RERE: variants seen among roughly 807,000 people sequenced by gnomAD.
RERE encodes arginine-glutamic acid dipeptide repeats protein.
In RERE, 40 loss-of-function variants were observed where a neutral mutation model predicts 146.1. That is an observed-to-expected ratio of 0.27 (90% CI 0.21 to 0.36). The LOEUF (loss-of-function observed/expected upper bound fraction) is 0.36, where lower values mean the gene tolerates loss of function less well. Ranked by LOEUF, RERE falls within the 10% of genes least tolerant of loss-of-function variation. The probability of loss-of-function intolerance (pLI) is 1.00; values close to 1 mark genes in which losing one functional copy is unlikely to be tolerated. For synonymous variants in RERE, 1,003 were observed against 866.0 expected, an observed-to-expected ratio of 1.16 and a Z score of -2.78; for missense variants, 1,933 against 2,138.7, an observed-to-expected ratio of 0.90 and a Z score of 1.90.
chr1:8,357,055 G>C (rs1311039127), intron 20 of RERE, among the ~76,000 whole-genome samples: 1 of 152,092 alleles, frequency 6.6e-6, no homozygotes, highest in Non-Finnish European at 1.5e-5. Flanking sequence ...CCTGCGCCCA[G>C]CTCTCCTGAT....
intron 10 of RERE, among the ~76,000 whole-genome samples, chr1:8,493,763 G>A (rs1388072838): frequency 4.6e-5 from 7 of 152,046 alleles, no homozygotes; most frequent in Non-Finnish European, 1.0e-4. Flanking sequence ...ATGACATTTG[G>A]TTAATCATCA....
chr1:8,711,289 A>G (rs1226805000), intron 1 of RERE, among the ~76,000 whole-genome samples: 1 of 151,980 alleles, frequency 6.6e-6, no homozygotes, highest in African/African-American at 2.4e-5. Flanking sequence ...ACAACTTTCC[A>G]CTAGGCTCCC....
intron 7 of RERE, chr1:8,512,851 G>A (rs1250516429): frequency 2.0e-5 from 3 of 152,290 alleles, no homozygotes; most frequent in Non-Finnish European, 4.4e-5. Flanking sequence ...CCAGATCCTC[G>A]ATCTTTAGGC....
At chr1:8,421,740 A>C (rs977601502) in intron 12 of RERE, among the ~76,000 whole-genome samples, 3 of 152,220 alleles carry the variant, frequency 2.0e-5, no homozygotes, top group African/African-American at 7.2e-5. Flanking sequence ...AAAAACCCAA[A>C]TTATCCGCAT....
chr1:8,721,187 T>C (rs1639857065), intron 1 of RERE, among the ~76,000 whole-genome samples: 1 of 152,230 alleles, frequency 6.6e-6, no homozygotes, highest in South Asian at 2.1e-4. Flanking sequence ...CTGGGAGCAC[T>C]GCAGAGGTCT....
intron 1 of RERE, among the ~76,000 whole-genome samples, chr1:8,805,650 A>C (rs1641675481): frequency 3.2e-5 from 4 of 126,462 alleles, no homozygotes; most frequent in Middle Eastern, 7.5e-3. Context: ...AATCCGTCTC[A>C]AAAAAAAAAA....
chr1:8,392,382 AC>A (rs1478622833), intron 12 of RERE, among the ~76,000 whole-genome samples: 1 of 152,250 alleles, frequency 6.6e-6, no homozygotes, highest in African/African-American at 2.4e-5. Flanking sequence ...TTATATTTTT[AC>A]CTAACCTGGA....
At position 8,355,475 on chromosome 1, in the gene RERE, C is replaced by T. The variant is rs1372040401; in HGVS notation, c.4611G>A (p.Leu1537=). 4 of 1,612,778 alleles carry T rather than the reference C, an allele frequency of 2.5e-6. No individual in the cohort carries two copies. The highest frequency in any genetic ancestry group is 3.4e-6 in the Non-Finnish European group (4 of 1,179,988). ...CACCATGCATGTGGGGGTGTCCATG[C>T]AGCCACTGCTGCTCCATGGCCAGTC... ...LQRLAMEQQW[L]HGHPHMHGGH... Residue 1537 remains leucine, a synonymous_variant, in exon 22 of 23, where the codon CTG becomes CTA. Coordinates refer to ENST00000400908, the MANE Select transcript of RERE (RefSeq NM_001042681.2).
chr1:8,620,628 G>A (rs776989340), intron 3 of RERE, among the ~76,000 whole-genome samples: 4 of 151,976 alleles, frequency 2.6e-5, no homozygotes, highest in Admixed American at 6.6e-5. Flanking sequence ...CTGTCATTCC[G>A]TATTACTAGT....
intron 11 of RERE, among the ~76,000 whole-genome samples, chr1:8,440,103 G>A (rs1293679129): frequency 6.6e-6 from 1 of 152,134 alleles, no homozygotes; most frequent in Non-Finnish European, 1.5e-5. Flanking sequence ...TATCTATGGT[G>A]CATGTACCAA....
At chr1:8,386,289 A>G (rs529140952) in intron 12 of RERE, among the ~76,000 whole-genome samples, 20 of 151,554 alleles carry the variant, frequency 1.3e-4, no homozygotes, top group African/African-American at 4.3e-4. Flanking sequence ...TATATAAATC[A>G]TAAGAATAAA....
chr1:8,501,640 A>G (rs1645159663), intron 8 of RERE, among the ~76,000 whole-genome samples: 1 of 118,646 alleles, frequency 8.4e-6, no homozygotes, highest in African/African-American at 3.3e-5. Context: ...CCGCCCGGCC[A>G]GCCGCCCAGT....
At chr1:8,786,146 CT>C (rs1217597444) in intron 1 of RERE, 1 of 516,022 alleles carries the variant, frequency 1.9e-6, no homozygotes, top group Non-Finnish European at 3.5e-6. Context: ...TTGAGAGCAG[CT>C]ACTGTTTATT....
At chr1:8,428,183 C>A (rs1644043511) in intron 11 of RERE, among the ~76,000 whole-genome samples, 1 of 152,196 alleles carries the variant, frequency 6.6e-6, no homozygotes, top group African/African-American at 2.4e-5. Context: ...AGGCAAGTCA[C>A]TGACTTGGCC....
chr1:8,456,136 C>T (rs1182119800), intron 11 of RERE, among the ~76,000 whole-genome samples: 1 of 152,160 alleles, frequency 6.6e-6, no homozygotes, highest in Non-Finnish European at 1.5e-5. Context: ...GGGACTCTCC[C>T]CTGAGCTGAG....
intron 4 of RERE, among the ~76,000 whole-genome samples, chr1:8,580,180 T>A (rs2124049063): frequency 6.6e-6 from 1 of 152,310 alleles, no homozygotes; most frequent in Non-Finnish European, 1.5e-5. Flanking sequence ...TGTATACAGC[T>A]CCTAGTAGCG....
chr1:8,525,644 A>C, intron 7 of RERE: 1 of 1,157,920 alleles, frequency 8.6e-7, no homozygotes, highest in Non-Finnish European at 1.2e-6. Flanking sequence ...GCTGAATTAA[A>C]GGCTCTCAGG....
intron 1 of RERE, among the ~76,000 whole-genome samples, chr1:8,761,957 C>A (rs1229500453): frequency 6.6e-6 from 1 of 152,012 alleles, no homozygotes; most frequent in Non-Finnish European, 1.5e-5. Flanking sequence ...AGGTTAGATT[C>A]TCATTACTTT....
intron 2 of RERE, among the ~76,000 whole-genome samples, chr1:8,654,568 T>TA (rs988488683): frequency 6.6e-6 from 1 of 152,124 alleles, no homozygotes; most frequent in African/African-American, 2.4e-5. Context: ...ACAGTAAAAG[T>TA]AACTCAAACA....
Sources: allele counts gnomAD v4.1 joint callset (sites outside exome capture counted in the v4.1 genomes callset), GRCh38; gene constraint gnomAD v4.1.1; transcripts MANE v1.5; gene names NCBI Gene and HGNC (gene_info 2026-07-23, HGNC 2026-07-21).